The following NRF1 variants were observed in gnomAD, a reference collection of about 807,000 sequenced individuals.
The protein encoded by NRF1 is alpha palindromic-binding protein.
A neutral mutation model predicts 58.5 loss-of-function variants in NRF1; 5 were observed. That is an observed-to-expected ratio of 0.09 (90% CI 0.04 to 0.18). The LOEUF (loss-of-function observed/expected upper bound fraction) is 0.18, where lower values mean the gene tolerates loss of function less well. NRF1 is among the 10% of genes least tolerant of loss of function. The pLI is 1.00. For synonymous variants in NRF1, 224 were observed against 246.7 expected, an observed-to-expected ratio of 0.91 and a Z score of 0.86; for missense variants, 288 against 657.7, an observed-to-expected ratio of 0.44 and a Z score of 6.15.
In NRF1 at chr7:129,647,428, A is replaced by G. The variant is rs529216894; in HGVS notation, c.-6-9918A>G. ...GCTTTTTTTTTTTTTTTTGAGACAG[A>G]GTCTCGCTGTGTTGCCCAGGCTGGA... On this transcript the variant is annotated intron_variant, in intron 1 of 10. Transcript: ENST00000393232. Among the ~76,000 whole-genome samples, 911 of 137,838 alleles carry G rather than the reference A, an allele frequency of 6.6e-3. 8 individuals are homozygous for G. The highest frequency in any genetic ancestry group is 0.01 in the Non-Finnish European group (673 of 64,702). The allele number at this position is 137,838 out of a possible 152,430, so 90.4% of individuals were successfully genotyped here.
chr7:129,695,001 A>T (rs1463749348), intron 5 of NRF1, among the ~76,000 whole-genome samples: 6 of 152,210 alleles, frequency 3.9e-5, no homozygotes. Context: ...GCATAGCCCA[A>T]AAGAGATGAT....
In NRF1 at chr7:129,654,969, CAGTT is replaced by C. The variant is rs1475474113; in HGVS notation, c.-6-2376_-6-2373del. The stretch of plus-strand genomic sequence containing the variant: ...TGCCTCTCCATGTAAACTTTAGTGT[CAGTT>C]GGTTGGTATCCACAAAATAACTTGC... On this transcript the variant is annotated intron_variant, in intron 1 of 10. Coordinates refer to ENST00000393232, the MANE Select transcript of NRF1 (RefSeq NM_005011.5). Among the ~76,000 whole-genome samples the C allele has an allele frequency of 1.4e-4, 21 of 152,222 alleles. No individual in the cohort carries two copies. The East Asian group carries it at 1.5e-3, about 11-fold the overall frequency.
At chr7:129,729,418 C>T (rs191174778) in intron 10 of NRF1, among the ~76,000 whole-genome samples, 17 of 152,326 alleles carry the variant, frequency 1.1e-4, no homozygotes, top group African/African-American at 3.6e-4. Flanking sequence ...AATTCTGGTT[C>T]GCATCCTAAA....
chr7:129,650,983 A>G (rs778034294), intron 1 of NRF1, among the ~76,000 whole-genome samples: 12 of 152,206 alleles, frequency 7.9e-5, no homozygotes, highest in South Asian at 2.1e-4. Context: ...GTCATATGTC[A>G]TATCAGTCAT....
chr7:129,715,822 T>G (rs919523484), intron 8 of NRF1, among the ~76,000 whole-genome samples: 21 of 152,126 alleles, frequency 1.4e-4, no homozygotes, highest in African/African-American at 5.1e-4. Context: ...TTAACCAACA[T>G]GGAGAAACCC....
intron 4 of NRF1, among the ~76,000 whole-genome samples, chr7:129,688,250 C>T (rs1457329760): frequency 6.6e-6 from 1 of 152,156 alleles, no homozygotes; most frequent in East Asian, 1.9e-4. Flanking sequence ...CCTCAGCCTC[C>T]CGAGTAGCTG....
intron 1 of NRF1, among the ~76,000 whole-genome samples, chr7:129,652,082 G>A (rs770452974): frequency 3.9e-5 from 6 of 152,078 alleles, no homozygotes; most frequent in Non-Finnish European, 8.8e-5. Context: ...AGACATAGCA[G>A]GATTAGTTTA....
intron 9 of NRF1, among the ~76,000 whole-genome samples, chr7:129,720,444 T>A (rs746419617): frequency 1.6e-4 from 24 of 152,202 alleles, no homozygotes; most frequent in Non-Finnish European, 2.2e-4. Flanking sequence ...GGAAGTCATC[T>A]CAGTAAGAAA....
chr7:129,662,038 G>T (rs1329276133), intron 2 of NRF1, among the ~76,000 whole-genome samples: 1 of 150,438 alleles, frequency 6.6e-6, no homozygotes, highest in African/African-American at 2.5e-5. Flanking sequence ...TTGTGCAGTG[G>T]AATTCCTCTT....
chr7:129,673,716 CAAAAAAA>C (rs542854064), intron 3 of NRF1, among the ~76,000 whole-genome samples: 2 of 99,134 alleles, frequency 2.0e-5, no homozygotes, highest in African/African-American at 8.3e-5. Context: ...GACTCCGTCT[CAAAAAAA>C]AAAAAAAAAA....
intron 6 of NRF1, among the ~76,000 whole-genome samples, 169 bp downstream of exon 6, chr7:129,709,402 A>G (rs985750039): frequency 6.6e-6 from 1 of 152,170 alleles, no homozygotes; most frequent in Non-Finnish European, 1.5e-5. Context: ...TTGTCGCTCC[A>G]TCACTATACT....
intron 4 of NRF1, among the ~76,000 whole-genome samples, chr7:129,684,196 A>AAGT (rs1802392409): frequency 6.6e-6 from 1 of 152,202 alleles, no homozygotes; most frequent in South Asian, 2.1e-4. Flanking sequence ...GAACAGGGAA[A>AAGT]AGTAGACTTG....
In NRF1 at chr7:129,741,017, A is replaced by G. The variant is rs766593059; in HGVS notation, c.1348+13652A>G. The stretch of plus-strand genomic sequence containing the variant: ...GAAAGACTGGATACCTCTAGTCGAC[A>G]TGTCAGGGCCCCAAAGGAATCAAGT... On this transcript the variant is annotated intron_variant, in intron 10 of 10. Coordinates refer to ENST00000393232, the MANE Select transcript of NRF1 (RefSeq NM_005011.5). This position sits in a 1 kb window ranked among gnomAD's most constrained non-coding sequence, Gnocchi z 4.0. 2.0e-5 allele frequency among the ~76,000 whole-genome samples: 3 copies of G among 152,146 alleles called. No homozygotes were observed. Among genetic ancestry groups the G allele is most frequent in the Non-Finnish European group, 2.9e-5 (2 of 68,012 alleles).
In NRF1 at chr7:129,752,617, C is replaced by T. The variant is rs371973918; in HGVS notation, c.1349-2401C>T. Among the ~76,000 whole-genome samples the T allele has an allele frequency of 9.2e-5, 14 of 151,990 alleles. 1 individual carries two copies. The East Asian group carries it at 1.4e-3, about 15-fold the overall frequency. On this transcript the variant is annotated intron_variant, in intron 10 of 10. Coordinates refer to ENST00000393232, the MANE Select transcript of NRF1 (RefSeq NM_005011.5). ...CTGTAATCCTAGCACTTTGGAAAGCCGAGGCAGGAGGATCACTTGAGCTCA... is the reference window on the plus strand; with the variant it reads ...CTGTAATCCTAGCACTTTGGAAAGCTGAGGCAGGAGGATCACTTGAGCTCA...
intron 2 of NRF1, among the ~76,000 whole-genome samples, chr7:129,669,817 A>G (rs1283210154): frequency 6.6e-6 from 1 of 152,224 alleles, no homozygotes; most frequent in Non-Finnish European, 1.5e-5. Context: ...ACTACCATAT[A>G]TGATCCTGGT....
At chr7:129,735,306 C>T (rs1803681466) in intron 10 of NRF1, 3 of 868,948 alleles carry the variant, frequency 3.5e-6, no homozygotes, top group African/African-American at 1.8e-5. Context: ...CCGACGCGGG[C>T]GGATCACAAG....
In NRF1 at chr7:129,756,623, G is replaced by A. The variant is rs1353618840; in HGVS notation, c.*1442G>A. On this transcript the variant is annotated 3_prime_UTR_variant, in exon 11 of 11. Transcript: ENST00000393232. ...CCAAATCTCTGAACCTTGAGTACAG[G>A]GACAGCTCCTCCTCCCTCCTCCCAG... 3 of 152,544 alleles carry A rather than the reference G, an allele frequency of 2.0e-5. No homozygotes were observed. Among genetic ancestry groups the A allele is most frequent in the Non-Finnish European group, 4.4e-5 (3 of 68,060 alleles). The allele number at this position is 152,544 out of a possible 1,614,324, so 9.4% of individuals were successfully genotyped here.
Position 129,637,873 on chromosome 7 carries a change from G to A in NRF1, c.-6-19473G>A, listed in dbSNP as rs6968168. Among the ~76,000 whole-genome samples, 14 of 145,600 alleles carry A rather than the reference G, an allele frequency of 9.6e-5. No homozygotes were observed. In the East Asian group the frequency reaches 2.6e-3, roughly 27 times the overall value. On this transcript the variant is annotated intron_variant, in intron 1 of 10. Coordinates refer to ENST00000393232, the MANE Select transcript of NRF1 (RefSeq NM_005011.5). ...AGATTTTTTTGTGATTTTATTTTTT[G>A]TTTTTTTTTTTCTAAGCTCATCAGC...
In NRF1 at chr7:129,661,035, T is replaced by C. The variant is rs566597215; in HGVS notation, c.223+3461T>C. On this transcript the variant is annotated intron_variant, in intron 2 of 10. Coordinates refer to ENST00000393232, the MANE Select transcript of NRF1 (RefSeq NM_005011.5). ...ACTCCAATCCTTGACTTCTGTACAC[T>C]TGCAGGCTCAACACCTTTGTGGAAG... is the stretch of plus-strand genomic sequence containing the variant. 8.2e-4 allele frequency among the ~76,000 whole-genome samples: 124 copies of C among 151,476 alleles called. 5 individuals carry two copies. The highest frequency in any genetic ancestry group is 2.6e-3 in the Admixed American group (40 of 15,296).
Sources: gnomAD v4.1 joint callset for allele counts (sites outside exome capture counted in the v4.1 genomes callset) on GRCh38, gnomAD v4.1.1 for gene constraint, Gnocchi (gnomAD v3.1) non-coding constraint, MANE v1.5 for transcripts, NCBI Gene and HGNC (gene_info 2026-07-23, HGNC 2026-07-21) for gene names.